The following BEND2 variants were observed in gnomAD, a reference collection of about 807,000 sequenced individuals.
The protein encoded by BEND2 is BEN domain containing 2, also known as BEN domain-containing protein 2.
A neutral mutation model predicts 43.8 loss-of-function variants in BEND2; 19 were observed. The observed-to-expected ratio is 0.43, with a 90% CI of 0.30 to 0.64. The LOEUF (loss-of-function observed/expected upper bound fraction) is 0.64. BEND2 is among the 30% of genes least tolerant of loss of function. The pLI, the probability that BEND2 is intolerant of heterozygous loss-of-function variation, is 0.11. For synonymous variants in BEND2, 226 were observed against 210.1 expected, an observed-to-expected ratio of 1.08 and a Z score of -0.66; for missense variants, 544 against 574.0, an observed-to-expected ratio of 0.95 and a Z score of 0.53.
intron 1 of BEND2, among the ~76,000 whole-genome samples, chrX:18,218,872 C>G (rs1925755372): frequency 8.9e-6 from 1 of 112,027 alleles, no homozygotes; most frequent in Non-Finnish European, 1.9e-5. Flanking sequence ...AAAAACAAAA[C>G]AAAACAAACA....
chrX:18,177,259 C>CTTTTT (rs3082649), intron 10 of BEND2, among the ~76,000 whole-genome samples: 1 of 56,236 alleles, frequency 1.8e-5, no homozygotes, highest in Non-Finnish European at 3.1e-5. Context: ...GAGCTTTTTC[C>CTTTTT]TTTTTTTTTT....
chrX:18,207,144 C>T (rs776173400), intron 4 of BEND2, among the ~76,000 whole-genome samples: 1 of 111,707 alleles, frequency 9.0e-6, no homozygotes, highest in Non-Finnish European at 1.9e-5. Flanking sequence ...CACCCACTTC[C>T]CCCCAAGACT....
intron 8 of BEND2, among the ~76,000 whole-genome samples, chrX:18,185,457 G>A (rs1316489775): frequency 9.2e-6 from 1 of 108,495 alleles, no homozygotes; most frequent in African/African-American, 3.4e-5. Flanking sequence ...CTTGAACCCG[G>A]GAGGTGGAAG....
At chrX:18,212,092 CT>C (rs758303697) in intron 4 of BEND2, among the ~76,000 whole-genome samples, 21,240 of 70,339 alleles carry the variant, frequency 0.3, 2,519 homozygotes, top group Middle Eastern at 0.41. Context: ...TTATTACTGT[CT>C]TTTTTTTTTT....
chrX:18,217,571 G>A (rs1427915259), intron 1 of BEND2, among the ~76,000 whole-genome samples: 1 of 111,464 alleles, frequency 9.0e-6, no homozygotes, highest in Non-Finnish European at 1.9e-5. Context: ...AGGTATGACC[G>A]TTGGGCCAGA....
chrX:18,205,513 G>C (rs976834008), intron 4 of BEND2, among the ~76,000 whole-genome samples: 2 of 106,889 alleles, frequency 1.9e-5, no homozygotes, highest in African/African-American at 3.4e-5. Context: ...GCCTGAGGTG[G>C]GAGAATCACC....
chrX:18,204,576 G>A (rs1162437910), intron 4 of BEND2, among the ~76,000 whole-genome samples: 1 of 111,814 alleles, frequency 8.9e-6, no homozygotes, highest in Non-Finnish European at 1.9e-5. Context: ...AATAACATAT[G>A]TGAAAATGCC....
At position 18,213,942 on chromosome X, in the gene BEND2, A is replaced by G. The variant is rs550047258; in HGVS notation, c.239-31T>C. On this transcript the variant is annotated intron_variant, in intron 2 of 13. Transcript: ENST00000380033. ...TCAAAAATAATAAGAAGAAGAAAAT[A>G]AAAGATACAATAAGATACCTCCAAA... The G allele has an allele frequency of 5.3e-4, 60 of 114,204 alleles. No homozygotes were observed. In the South Asian group the frequency reaches 0.018, roughly 35 times the overall value. The allele number at this position is 114,204 out of a possible 1,213,427, so 9.4% of individuals were successfully genotyped here. A position where few individuals can be genotyped will look rare whatever the true frequency, so the allele number is the denominator to read the frequency against.
At position 18,174,142 on chromosome X, in the gene BEND2, C is replaced by A. The variant is rs1442077303; in HGVS notation, c.1869G>T (p.Met623Ile). 1.7e-6 allele frequency: 2 copies of A among 1,211,259 alleles called. No homozygotes were observed. Among genetic ancestry groups the A allele is most frequent in the Non-Finnish European group, 2.2e-6 (2 of 894,903 alleles). The change falls in exon 12 of 14, where the codon ATG becomes ATT. Residue 623 changes from methionine to isoleucine, a missense_variant. Met to Ile is a conservative substitution (Grantham distance 10). Coordinates refer to ENST00000380033, the MANE Select transcript of BEND2 (RefSeq NM_153346.5). Reference sequence around the variant, plus strand: ...TCTTTTCTCTCATTTTGGAGTTATTCATTGGCTGAAACATCCAAGAACAGC... The same window carrying A: ...TCTTTTCTCTCATTTTGGAGTTATTAATTGGCTGAAACATCCAAGAACAGC... ...GEGCSWMFQP[M>I]NNSKMREKRN...
rs759837950 is a variant in BEND2 at position 18,211,732 on chromosome X, G to A, written c.492+833C>T. ...CGGGAGGTGGAGGTTGCGGTGAGCC[G>A]AGATCGTGCCATTGCACTCCAGCCT... On this transcript the variant is annotated intron_variant, in intron 4 of 13. Transcript: ENST00000380033. Among the ~76,000 whole-genome samples the A allele has an allele frequency of 7.3e-5, 8 of 109,379 alleles. No individual in the cohort carries two copies. The East Asian group carries it at 2.3e-3, about 32-fold the overall frequency. 95.0% of individuals were successfully genotyped at this position (109,379 alleles called of 115,157 possible). A position where few individuals can be genotyped will look rare whatever the true frequency, so the allele number is the denominator to read the frequency against.
At chrX:18,190,250 C>T (rs1052261540) in intron 8 of BEND2, among the ~76,000 whole-genome samples, 3 of 111,422 alleles carry the variant, frequency 2.7e-5, no homozygotes, top group African/African-American at 6.5e-5. Context: ...AAATGAAAAA[C>T]GTTATGTTCA....
intron 8 of BEND2, among the ~76,000 whole-genome samples, chrX:18,190,181 C>A (rs1924715170): frequency 8.9e-6 from 1 of 111,965 alleles, no homozygotes; most frequent in South Asian, 3.7e-4. Context: ...TATAAAACTA[C>A]ACATGCAATT....
chrX:18,201,404 AAAAAAAAAAAAAAC>A (rs1444738316), intron 6 of BEND2, among the ~76,000 whole-genome samples: 33 of 96,850 alleles, frequency 3.4e-4, no homozygotes, highest in African/African-American at 1.1e-3. Flanking sequence ...CTCAAAAAAA[AAAAAAAAAAAAAAC>A]AAAAAAAAAA....
chrX:18,177,514 T>C, intron 10 of BEND2, 55 bp downstream of exon 10: 11 of 1,099,574 alleles, frequency 1.0e-5, no homozygotes, highest in Non-Finnish European at 1.4e-5. Flanking sequence ...ACATTCATTA[T>C]ATGACCAAAT....
rs768822281 is a variant in BEND2, at chrX:18,216,636, G to C, written c.123C>G (p.Asp41Glu). The part of the protein sequence containing the change: ...VSETADNSTN[D>E]IADDSTYVTA... ...TGACATAAGTGGAATCATCTGCTATGTCATTAGTGGAATTATCTGCTGTTT... is the reference window on the plus strand; with the variant it reads ...TGACATAAGTGGAATCATCTGCTATCTCATTAGTGGAATTATCTGCTGTTT... Residue 41 changes from aspartate to glutamate, a missense_variant, in exon 2 of 14, where the codon GAC (aspartate) becomes GAG (glutamate). Asp to Glu is a conservative substitution (Grantham distance 45). Around this residue, in one of 2 missense-constraint regions of BEND2, gnomAD observed 501 missense variants for 501.6 expected, o/e 1.00. Coordinates refer to ENST00000380033, the MANE Select transcript of BEND2 (RefSeq NM_153346.5). 9.9e-6 allele frequency: 12 copies of C among 1,207,700 alleles called. No individual in the cohort carries two copies. In the South Asian group the frequency reaches 2.1e-4, roughly 21 times the overall value.
At chrX:18,198,610 G>T (rs1004765774) in intron 6 of BEND2, among the ~76,000 whole-genome samples, 1 of 111,586 alleles carries the variant, frequency 9.0e-6, no homozygotes, top group Non-Finnish European at 1.9e-5. Flanking sequence ...GGTGGGACTG[G>T]AAACTAGTTC....
chrX:18,192,504 A>G lies in BEND2; in HGVS notation c.1181-1396T>C, dbSNP rs146572853. Among the ~76,000 whole-genome samples the G allele has an allele frequency of 5.2e-3, 590 of 112,452 alleles. 3 individuals are homozygous for G. Among genetic ancestry groups the G allele is most frequent in the African/African-American group, 0.018 (563 of 31,049 alleles). On this transcript the variant is annotated intron_variant, in intron 7 of 13. Coordinates refer to ENST00000380033, the MANE Select transcript of BEND2 (RefSeq NM_153346.5). ...ATTCATACATAATTGGCGAGAATGTAAAATGATACAGTCTCTCTGGAATAC... is the reference window on the plus strand; with the variant it reads ...ATTCATACATAATTGGCGAGAATGTGAAATGATACAGTCTCTCTGGAATAC...
Position 18,174,143 on chromosome X carries a change from A to G in BEND2, c.1868T>C (p.Met623Thr), listed in dbSNP as rs1254089631. 8.3e-7 allele frequency: 1 copy of G among 1,209,481 alleles called. No homozygotes were observed. The highest frequency in any genetic ancestry group is 1.1e-6 in the Non-Finnish European group (1 of 894,682). The change falls in exon 12 of 14, where the codon ATG becomes ACG. Residue 623 changes from methionine (M) to threonine (T), a missense_variant. Met to Thr is a moderately conservative substitution (Grantham distance 81). Around this residue, in one of 2 missense-constraint regions of BEND2, gnomAD observed 501 missense variants for 501.6 expected, o/e 1.00. Coordinates refer to ENST00000380033, the MANE Select transcript of BEND2 (RefSeq NM_153346.5). ...CTTTTCTCTCATTTTGGAGTTATTC[A>G]TTGGCTGAAACATCCAAGAACAGCC... ...GEGCSWMFQP[M>T]NNSKMREKRN...
Position 18,186,159 on chromosome X carries a change from A to G in BEND2, c.1288+4842T>C, listed in dbSNP as rs752845819. Among the ~76,000 whole-genome samples the G allele has an allele frequency of 6.3e-5, 7 of 111,976 alleles. No homozygotes were observed. In the South Asian group the frequency reaches 2.6e-3, roughly 42 times the overall value. ...AAAATAATAACTACAACAACTTTTC[A>G]AGACATAGACAGTACAGGCCAGGTG... On this transcript the variant is annotated intron_variant, in intron 8 of 13. Coordinates refer to ENST00000380033, the MANE Select transcript of BEND2 (RefSeq NM_153346.5).
Sources: gnomAD v4.1 joint callset for allele counts (sites outside exome capture counted in the v4.1 genomes callset) on GRCh38, gnomAD v4.1.1 for gene constraint, gnomAD v4.1.1 regional missense constraint, MANE v1.5 for transcripts, NCBI Gene and HGNC (gene_info 2026-07-23, HGNC 2026-07-21) for gene names.